P2RY10: variants seen among roughly 807,000 people sequenced by gnomAD.
P2RY10 encodes the protein putative P2Y purinoceptor 10.
Under a neutral mutation model 12.1 loss-of-function variants are expected in P2RY10, and 4 were observed. That is an observed-to-expected ratio of 0.33 (90% CI 0.16 to 0.76). P2RY10 has a LOEUF of 0.76. Among genes scored for constraint, P2RY10 ranks in the 30% least tolerant of loss-of-function variants. The pLI is 0.61. For synonymous variants in P2RY10, 112 were observed against 94.1 expected (o/e 1.19, Z -1.10); for missense variants, 233 against 264.6 (o/e 0.88, Z 0.83).
Position 78,960,573 on chromosome X carries a change from C to G in P2RY10, c.53C>G (p.Thr18Ser). ...ACATTCAAGATGGGTAGCAACAGTACCAGCACTGCTGAGATTTACTGTAAT... is the reference window on the plus strand; with the variant it reads ...ACATTCAAGATGGGTAGCAACAGTAGCAGCACTGCTGAGATTTACTGTAAT... ...TETFKMGSNS[T>S]STAEIYCNVT... is the part of the protein sequence containing the mutation. Residue 18 changes from threonine (T) to serine (S), a missense_variant, in exon 4 of 4, where the codon ACC becomes AGC. Coordinates refer to ENST00000171757, the MANE Select transcript of P2RY10 (RefSeq NM_014499.4). 4.1e-6 allele frequency: 5 copies of G among 1,208,227 alleles called. No individual in the cohort carries two copies. Among genetic ancestry groups the G allele is most frequent in the Non-Finnish European group, 5.6e-6 (5 of 892,349 alleles).
chrX:78,953,055 T>C (rs1308243442), intron 3 of P2RY10, among the ~76,000 whole-genome samples: 1 of 112,398 alleles, frequency 8.9e-6, no homozygotes, highest in Non-Finnish European at 1.9e-5. Context: ...CCATTTCAAA[T>C]ACACACTAGT....
intron 3 of P2RY10, among the ~76,000 whole-genome samples, chrX:78,957,739 C>T (rs980750417): frequency 2.1e-4 from 23 of 111,667 alleles, no homozygotes; most frequent in South Asian, 3.8e-4. Context: ...CAAATCTCTA[C>T]GCTCACAATG....
At chrX:78,947,132 T>C (rs1340363073) in intron 1 of P2RY10, among the ~76,000 whole-genome samples, 1 of 109,449 alleles carries the variant, frequency 9.1e-6, no homozygotes, top group African/African-American at 3.3e-5. Flanking sequence ...GGAGAATCGC[T>C]CGAAACCGAG....
chrX:78,953,991 AGTGGCTGGGACCACATAGGC>A, intron 3 of P2RY10, among the ~76,000 whole-genome samples: 1 of 111,779 alleles, frequency 8.9e-6, no homozygotes, highest in South Asian at 3.8e-4. Context: ...CAGCCTCCTG[AGTGGCTGGGACCACATAGGC>A]GTGCCACCGC....
At chrX:78,949,039 A>C (rs955733741) in intron 2 of P2RY10, among the ~76,000 whole-genome samples, 2 of 111,799 alleles carry the variant, frequency 1.8e-5, no homozygotes, top group African/African-American at 3.2e-5. Flanking sequence ...TTTTATCCAC[A>C]TATCTACCAG....
chrX:78,952,283 C>T lies in P2RY10; in HGVS notation c.-66C>T. 2 of 751,369 alleles carry T rather than the reference C, an allele frequency of 2.7e-6. No individual in the cohort carries two copies. Among genetic ancestry groups the T allele is most frequent in the Non-Finnish European group, 3.1e-6 (2 of 636,801 alleles). The allele number at this position is 751,369 out of a possible 1,213,427, so 61.9% of individuals were successfully genotyped here. ...TGAAAAGGCATCTCTTTTAATGGTCCTGACCTTTGGAATAGGAAGCATGTA... is the reference window on the plus strand; with the variant it reads ...TGAAAAGGCATCTCTTTTAATGGTCTTGACCTTTGGAATAGGAAGCATGTA... On this transcript the variant is annotated 5_prime_UTR_variant, in exon 3 of 4. Transcript: ENST00000171757.
intron 1 of P2RY10, among the ~76,000 whole-genome samples, chrX:78,946,626 T>C (rs929303384): frequency 8.9e-6 from 1 of 112,342 alleles, no homozygotes; most frequent in Non-Finnish European, 1.9e-5. Context: ...ATCTATCTCT[T>C]AGCAATTGCA....
At position 78,959,974 on chromosome X, in the gene P2RY10, C is replaced by T. The variant is rs775372473; in HGVS notation, c.-13-534C>T. ...ACATTCTCAGGTCTTGAAGATCAGCCGGGACACTGACAATGCAGGCTTAAG... is the reference window on the plus strand; with the variant it reads ...ACATTCTCAGGTCTTGAAGATCAGCTGGGACACTGACAATGCAGGCTTAAG... On this transcript the variant is annotated intron_variant, in intron 3 of 3. Coordinates refer to ENST00000171757, the MANE Select transcript of P2RY10 (RefSeq NM_014499.4). 5.4e-5 allele frequency among the ~76,000 whole-genome samples: 6 copies of T among 111,147 alleles called. No homozygotes were observed. In the South Asian group the frequency reaches 1.5e-3, roughly 28 times the overall value.
intron 1 of P2RY10, among the ~76,000 whole-genome samples, chrX:78,947,130 G>T (rs933499653): frequency 9.1e-6 from 1 of 110,298 alleles, no homozygotes; most frequent in Non-Finnish European, 1.9e-5. Flanking sequence ...CTGGAGAATC[G>T]CTCGAAACCG....
In P2RY10 at chrX:78,962,752, C is replaced by T. The variant is rs1922696772; in HGVS notation, c.*1212C>T. On this transcript the variant is annotated 3_prime_UTR_variant, in exon 4 of 4. Transcript: ENST00000171757. ...AAAATGTATATTTTAAGGCATGATACAAGTCCTACAAACCTCATAAGTAGG... is the reference window on the plus strand; with the variant it reads ...AAAATGTATATTTTAAGGCATGATATAAGTCCTACAAACCTCATAAGTAGG... 9.1e-6 allele frequency among the ~76,000 whole-genome samples: 1 copy of T among 109,870 alleles called. No homozygotes were observed.
At chrX:78,950,146 G>A (rs995720078) in intron 2 of P2RY10, among the ~76,000 whole-genome samples, 1 of 111,158 alleles carries the variant, frequency 9.0e-6, no homozygotes, top group African/African-American at 3.3e-5. Context: ...TTACTTAGTG[G>A]TGCCAGTGAC....
At chrX:78,954,887 G>A (rs749881381) in intron 3 of P2RY10, among the ~76,000 whole-genome samples, 15 of 111,482 alleles carry the variant, frequency 1.3e-4, no homozygotes, top group Admixed American at 3.8e-4. Context: ...ACCTTTGAAA[G>A]GTCACTAGGA....
intron 3 of P2RY10, among the ~76,000 whole-genome samples, chrX:78,952,646 A>C (rs1349449087): frequency 9.0e-6 from 1 of 111,563 alleles, no homozygotes; most frequent in African/African-American, 3.3e-5. Flanking sequence ...GAAAACCATG[A>C]TTTTCTAGGA....
At chrX:78,956,264 G>A (rs1408596771) in intron 3 of P2RY10, among the ~76,000 whole-genome samples, 1 of 111,219 alleles carries the variant, frequency 9.0e-6, no homozygotes, top group Non-Finnish European at 1.9e-5. Context: ...GTCTCTACAG[G>A]TATTGCTTTT....
chrX:78,957,692 T>C (rs1922407310), intron 3 of P2RY10, among the ~76,000 whole-genome samples: 1 of 111,652 alleles, frequency 9.0e-6, no homozygotes, highest in African/African-American at 3.3e-5. Flanking sequence ...TTCCCTTCAG[T>C]CTGAAGCAAA....
chrX:78,946,384 C>G (rs1007716288), intron 1 of P2RY10, among the ~76,000 whole-genome samples: 1 of 111,425 alleles, frequency 9.0e-6, no homozygotes, highest in Non-Finnish European at 1.9e-5. Flanking sequence ...GCACCTCTCT[C>G]CTTCTGAGCT....
chrX:78,960,090 C>G (rs186574181), intron 3 of P2RY10, among the ~76,000 whole-genome samples: 60 of 111,453 alleles, frequency 5.4e-4, no homozygotes, highest in African/African-American at 1.8e-3. Context: ...GGGATGGGAA[C>G]CTAAAAAGTG....
At chrX:78,946,722 A>G (rs997938788) in intron 1 of P2RY10, among the ~76,000 whole-genome samples, 21 of 112,533 alleles carry the variant, frequency 1.9e-4, no homozygotes, top group African/African-American at 6.8e-4. Context: ...TCAGAATCAG[A>G]TCACACATTT....
At chrX:78,951,161 G>C (rs750226102) in intron 2 of P2RY10, among the ~76,000 whole-genome samples, 3 of 111,535 alleles carry the variant, frequency 2.7e-5, no homozygotes, top group Non-Finnish European at 5.7e-5. Flanking sequence ...AAGATTTTGG[G>C]CTCAGCTCCA....
Sources: allele counts gnomAD v4.1 joint callset (sites outside exome capture counted in the v4.1 genomes callset), GRCh38; gene constraint gnomAD v4.1.1; transcripts MANE v1.5; gene names NCBI Gene and HGNC (gene_info 2026-07-23, HGNC 2026-07-21).